Variants in ARHGAP10 observed in about 807,000 individuals in gnomAD.
The protein encoded by ARHGAP10 is rho GTPase-activating protein 10.
ARHGAP10 carries 87 observed loss-of-function variants against 108.6 expected under a neutral mutation model. The ratio of observed to expected loss-of-function variants is 0.80; its 90% confidence interval spans 0.67 to 0.96. The LOEUF is 0.96. ARHGAP10 is among the 40% of genes least tolerant of loss of function. The probability of loss-of-function intolerance (pLI) is 0.00; values close to 1 mark genes in which losing one functional copy is unlikely to be tolerated. For synonymous variants in ARHGAP10, 347 were observed against 341.1 expected (o/e 1.02, Z -0.19); for missense variants, 939 against 954.5 (o/e 0.98, Z 0.21).
In ARHGAP10 at chr4:147,831,058, C is replaced by T. The variant is rs184270360; in HGVS notation, c.312+8101C>T. ...TTCTCAGGCCCACCCCAGAACTCTA[C>T]TGAGTCAGAAACTCTGTCAGCTGGT... On this transcript the variant is annotated intron_variant, in intron 3 of 22. Transcript: ENST00000336498. Among the ~76,000 whole-genome samples the T allele has an allele frequency of 2.1e-3, 317 of 152,352 alleles. 1 individual carries two copies. The highest frequency in any genetic ancestry group is 3.9e-3 in the Non-Finnish European group (262 of 68,038).
chr4:147,822,474 G>T (rs1338773924), intron 1 of ARHGAP10, among the ~76,000 whole-genome samples: 1 of 152,196 alleles, frequency 6.6e-6, no homozygotes, highest in African/African-American at 2.4e-5. Flanking sequence ...ATCTGAGGAA[G>T]AAGGAGGTAG....
intron 4 of ARHGAP10, among the ~76,000 whole-genome samples, chr4:147,851,288 T>C (rs748577667): frequency 6.6e-6 from 1 of 152,052 alleles, no homozygotes; most frequent in Middle Eastern, 3.2e-3. Flanking sequence ...AGGATTTCAT[T>C]CTGTTGTCCA....
At chr4:147,808,305 A>G (rs1270960542) in intron 1 of ARHGAP10, among the ~76,000 whole-genome samples, 1 of 151,940 alleles carries the variant, frequency 6.6e-6, no homozygotes, top group Non-Finnish European at 1.5e-5. Flanking sequence ...AAAGACTGCA[A>G]GGAAGGAAAA....
intron 10 of ARHGAP10, among the ~76,000 whole-genome samples, chr4:147,888,457 T>C (rs913206875): frequency 7.9e-5 from 12 of 152,302 alleles, no homozygotes; most frequent in Middle Eastern, 3.4e-3. Context: ...TCCTCTAACA[T>C]GTTATATAGG....
chr4:147,873,423 GTA>G (rs1275113722), intron 7 of ARHGAP10, among the ~76,000 whole-genome samples: 1 of 151,894 alleles, frequency 6.6e-6, no homozygotes, highest in Non-Finnish European at 1.5e-5. Flanking sequence ...ATGCATATGT[GTA>G]TATATATTAT....
intron 15 of ARHGAP10, among the ~76,000 whole-genome samples, chr4:147,950,399 CAGG>C (rs1738552625): frequency 6.6e-6 from 1 of 152,190 alleles, no homozygotes; most frequent in Non-Finnish European, 1.5e-5. Flanking sequence ...TGGTCAAGAG[CAGG>C]AGGTCTGGAG....
At chr4:148,049,345 C>T (rs1367514391) in intron 20 of ARHGAP10, among the ~76,000 whole-genome samples, 1 of 152,160 alleles carries the variant, frequency 6.6e-6, no homozygotes, top group African/African-American at 2.4e-5. Flanking sequence ...TCCTTGCCTG[C>T]CTCCAGGGCT....
intron 3 of ARHGAP10, among the ~76,000 whole-genome samples, chr4:147,839,660 G>T (rs945231385): frequency 5.9e-5 from 9 of 152,192 alleles, no homozygotes; most frequent in Non-Finnish European, 1.0e-4. Context: ...TCAGAACTTA[G>T]ACTTTGATTT....
chr4:148,014,203 T>C (rs1348687798), intron 18 of ARHGAP10, among the ~76,000 whole-genome samples: 1 of 152,218 alleles, frequency 6.6e-6, no homozygotes, highest in Non-Finnish European at 1.5e-5. Context: ...TGTTTGCATG[T>C]GAGCAAAGGA....
In ARHGAP10 at chr4:147,732,310, G is replaced by T; in HGVS notation, c.9G>T (p.Leu3=). 1 of 1,610,964 alleles carries T rather than the reference G, an allele frequency of 6.2e-7. No homozygotes were observed. The highest frequency in any genetic ancestry group is 2.2e-5 in the East Asian group (1 of 44,608). MG[L]QPLEFSDCYL... ...CAGCGACCGCTGCCGTCATGGGGCT[G>T]CAGCCCCTGGAGTTCAGCGACTGCT... Residue 3 remains leucine, a synonymous_variant, in exon 1 of 23, where the codon CTG becomes CTT. Coordinates refer to ENST00000336498, the MANE Select transcript of ARHGAP10 (RefSeq NM_024605.4).
At chr4:148,037,132 C>T (rs1728412707) in intron 19 of ARHGAP10, among the ~76,000 whole-genome samples, 1 of 152,114 alleles carries the variant, frequency 6.6e-6, no homozygotes, top group Admixed American at 6.5e-5. Context: ...TATTGGAGTA[C>T]TAGTGACAAG....
At chr4:147,897,753 C>G (rs767809272) in intron 10 of ARHGAP10, among the ~76,000 whole-genome samples, 8 of 152,138 alleles carry the variant, frequency 5.3e-5, no homozygotes, top group Admixed American at 2.6e-4. Context: ...TTATACATGA[C>G]TACTTTTATT....
intron 10 of ARHGAP10, among the ~76,000 whole-genome samples, chr4:147,899,809 CTT>C (rs921885632): frequency 6.6e-6 from 1 of 150,380 alleles, no homozygotes; most frequent in Non-Finnish European, 1.5e-5. Flanking sequence ...ACTTTAAAAA[CTT>C]TTTTTGGCTT....
At chr4:148,050,365 C>CTTT (rs11309245) in intron 20 of ARHGAP10, among the ~76,000 whole-genome samples, 21 of 59,290 alleles carry the variant, frequency 3.5e-4, no homozygotes, top group Middle Eastern at 0.011. Context: ...TCATCATCAT[C>CTTT]TTTTTTTTTT....
chr4:147,808,509 A>G (rs186996869), intron 1 of ARHGAP10, among the ~76,000 whole-genome samples: 1 of 152,218 alleles, frequency 6.6e-6, no homozygotes, highest in African/African-American at 2.4e-5. Flanking sequence ...CAGGGGAGTA[A>G]GGAGATCCAA....
chr4:147,761,284 T>C (rs1729578267), intron 1 of ARHGAP10, among the ~76,000 whole-genome samples: 4 of 152,166 alleles, frequency 2.6e-5, no homozygotes, highest in Admixed American at 2.6e-4. Context: ...CTGAACACTC[T>C]AGGATTACAG....
intron 3 of ARHGAP10, among the ~76,000 whole-genome samples, chr4:147,843,172 C>A (rs1266686554): frequency 6.6e-6 from 1 of 152,218 alleles, no homozygotes; most frequent in Non-Finnish European, 1.5e-5. Flanking sequence ...GACAGGCCAA[C>A]CCTCCATGCA....
At chr4:147,981,727 TG>T (rs1739814403) in intron 18 of ARHGAP10, among the ~76,000 whole-genome samples, 1 of 152,264 alleles carries the variant, frequency 6.6e-6, no homozygotes, top group African/African-American at 2.4e-5. Context: ...TTTATAAATC[TG>T]GGTGTGCCAG....
At chr4:148,004,949 T>C (rs1740886023) in intron 18 of ARHGAP10, among the ~76,000 whole-genome samples, 1 of 152,228 alleles carries the variant, frequency 6.6e-6, no homozygotes, top group Admixed American at 6.5e-5. Context: ...TATGCTAATT[T>C]GTTGCACAGC....
Sources: allele counts gnomAD v4.1 joint callset (sites outside exome capture counted in the v4.1 genomes callset), GRCh38; gene constraint gnomAD v4.1.1; transcripts MANE v1.5; gene names NCBI Gene and HGNC (gene_info 2026-07-23, HGNC 2026-07-21).